Variants in PPM1A observed in about 807,000 individuals in gnomAD.
The protein encoded by PPM1A is protein phosphatase, Mg2+/Mn2+ dependent 1A.
Under a neutral mutation model 35.0 loss-of-function variants are expected in PPM1A, and 7 were observed. The observed-to-expected ratio is 0.20, with a 90% CI of 0.11 to 0.38. PPM1A has a LOEUF of 0.38. Among genes scored for constraint, PPM1A ranks in the 10% least tolerant of loss-of-function variants. The pLI, the probability that PPM1A is intolerant of heterozygous loss-of-function variation, is 1.00. For synonymous variants in PPM1A, 153 were observed against 167.3 expected, an observed-to-expected ratio of 0.91 and a Z score of 0.66; for missense variants, 239 against 467.8, an observed-to-expected ratio of 0.51 and a Z score of 4.51.
At position 60,273,667 on chromosome 14, in the gene PPM1A, A is replaced by G. The variant is rs749729981; in HGVS notation, c.-20-9017A>G. ...GGGATGCCAGGATCCACGTGAAGAG[A>G]CTAAAGACGCTAGTATTCTGCAGTG... On this transcript the variant is annotated intron_variant, in intron 1 of 5. Transcript: ENST00000395076. The surrounding 1 kb of genome is among the most constrained non-coding windows in gnomAD (Gnocchi z 4.3). Among the ~76,000 whole-genome samples the G allele has an allele frequency of 3.3e-5, 5 of 152,180 alleles. No individual in the cohort carries two copies. The highest frequency in any genetic ancestry group is 7.3e-5 in the Non-Finnish European group (5 of 68,030).
chr14:60,286,567 A>T (rs1054419249), intron 3 of PPM1A: 2 of 985,266 alleles, frequency 2.0e-6, no homozygotes, highest in African/African-American at 3.5e-5. Context: ...AATGCATTTT[A>T]GGCTCCTAAT....
intron 1 of PPM1A, among the ~76,000 whole-genome samples, chr14:60,275,541 C>T (rs1468706874): frequency 6.6e-6 from 1 of 152,074 alleles, no homozygotes; most frequent in Non-Finnish European, 1.5e-5. Context: ...GGCTGGAGTG[C>T]AGTGGCACCA....
chr14:60,246,094 C>T (rs776756009), upstream of PPM1A: 4 of 1,501,034 alleles, frequency 2.7e-6, no homozygotes, highest in South Asian at 1.4e-5. Context: ...GGTTGGCTTT[C>T]TAACTCTTGA....
upstream of PPM1A, among the ~76,000 whole-genome samples, chr14:60,247,113 T>C (rs1279467717): frequency 3.3e-5 from 5 of 152,212 alleles, no homozygotes; most frequent in Admixed American, 3.3e-4. Flanking sequence ...TAGTTCAGAA[T>C]GTTAATGAGT....
intron 3 of PPM1A, chr14:60,286,069 G>A (rs911429523): frequency 3.0e-6 from 3 of 1,005,358 alleles, no homozygotes; most frequent in Admixed American, 1.2e-4. Context: ...TCTGATTTGT[G>A]GTCTATTTAA....
At chr14:60,291,824 C>G (rs1452332768) in intron 5 of PPM1A, among the ~76,000 whole-genome samples, 2 of 148,934 alleles carry the variant, frequency 1.3e-5, no homozygotes, top group African/African-American at 2.5e-5. Flanking sequence ...GTTTTGTAAG[C>G]AGCTGCAGCA....
chr14:60,266,162 T>C (rs1884357190), intron 1 of PPM1A, among the ~76,000 whole-genome samples: 1 of 152,184 alleles, frequency 6.6e-6, no homozygotes, highest in African/African-American at 2.4e-5. Flanking sequence ...CATATATTTA[T>C]TACCCATTTA....
At chr14:60,248,181 C>G (rs1313913619), upstream of PPM1A, among the ~76,000 whole-genome samples, 2 of 152,154 alleles carry the variant, frequency 1.3e-5, no homozygotes, top group African/African-American at 4.8e-5. Flanking sequence ...CAGCGTGGGT[C>G]GGGTTTTCCA....
intron 1 of PPM1A, among the ~76,000 whole-genome samples, chr14:60,251,558 A>G (rs8011227): frequency 0.35 from 53,657 of 152,110 alleles, 10,186 homozygotes; most frequent in African/African-American, 0.5. Context: ...AAATCAGTAA[A>G]GCCAGTTGGG....
chr14:60,251,122 T>G (rs1004339623), intron 1 of PPM1A, among the ~76,000 whole-genome samples: 1 of 152,280 alleles, frequency 6.6e-6, no homozygotes, highest in Non-Finnish European at 1.5e-5. Flanking sequence ...TGTATCTGAT[T>G]AAACTTTCAG....
At chr14:60,252,066 A>G (rs749393653) in intron 1 of PPM1A, among the ~76,000 whole-genome samples, 9 of 152,206 alleles carry the variant, frequency 5.9e-5, no homozygotes, top group Non-Finnish European at 1.2e-4. Flanking sequence ...TCATGTGGTA[A>G]ATATTGCTGA....
At chr14:60,255,165 T>C (rs890521319) in intron 1 of PPM1A, among the ~76,000 whole-genome samples, 5 of 106,514 alleles carry the variant, frequency 4.7e-5, no homozygotes, top group African/African-American at 4.3e-4. Context: ...ATATGTTTTT[T>C]TTTTTTTTGT....
chr14:60,285,523 A>G (rs973363612), intron 2 of PPM1A, 101 bp from the exon 3 acceptor site: 19 of 1,256,782 alleles, frequency 1.5e-5, no homozygotes, highest in Admixed American at 2.3e-5. Flanking sequence ...TAACATTTTC[A>G]CTAGAACAAG....
chr14:60,280,173 T>C (rs1886236002), intron 1 of PPM1A, among the ~76,000 whole-genome samples: 1 of 152,090 alleles, frequency 6.6e-6, no homozygotes, highest in South Asian at 2.1e-4. Flanking sequence ...GCCTGGCTAA[T>C]TTTTGTATTT....
intron 1 of PPM1A, among the ~76,000 whole-genome samples, chr14:60,260,705 C>A (rs1883654846): frequency 6.6e-6 from 1 of 152,118 alleles, no homozygotes; most frequent in Non-Finnish European, 1.5e-5. Flanking sequence ...TCTCCCAGCC[C>A]TTATCAACCA....
rs557081139 is a variant in PPM1A, at chr14:60,290,049, T to G, written c.1061+135T>G. 9.2e-4 allele frequency: 531 copies of G among 574,630 alleles called. 6 individuals carry two copies. Among genetic ancestry groups the G allele is most frequent in the South Asian group, 8.2e-3 (299 of 36,508 alleles). 35.6% of individuals were successfully genotyped at this position (574,630 alleles called of 1,614,324 possible). On this transcript the variant is annotated intron_variant, in intron 4 of 5. Coordinates refer to ENST00000395076, the MANE Select transcript of PPM1A (RefSeq NM_021003.5). ...TGTTTTAACCTGTGATTTCAATTTT[T>G]TTTTAGTATTAGAATATCTAGAGTT...
intron 1 of PPM1A, among the ~76,000 whole-genome samples, chr14:60,280,104 C>G (rs1886224116): frequency 6.6e-6 from 1 of 152,146 alleles, no homozygotes; most frequent in Non-Finnish European, 1.5e-5. Context: ...CCTCCAGGTT[C>G]AAGCCATTCT....
intron 1 of PPM1A, among the ~76,000 whole-genome samples, chr14:60,269,361 ATCATGTCTTCT>A (rs769752065): frequency 7.7e-4 from 117 of 152,270 alleles, no homozygotes; most frequent in Non-Finnish European, 1.4e-3. Context: ...GGCATATTTG[ATCATGTCTTCT>A]TCATGTCTTC....
In PPM1A at chr14:60,283,067, G is replaced by T; in HGVS notation, c.364G>T (p.Ala122Ser). 6.2e-7 allele frequency: 1 copy of T among 1,614,258 alleles called. No individual in the cohort carries two copies. Among genetic ancestry groups the T allele is most frequent in the Non-Finnish European group, 8.5e-7 (1 of 1,180,046 alleles). The change falls in exon 2 of 6, where the codon GCA (alanine) becomes TCA (serine). Residue 122 changes from alanine (A) to serine (S), a missense_variant. Around this residue, in one of 2 missense-constraint regions of PPM1A, gnomAD observed 175 missense variants for 389.2 expected, o/e 0.45. Coordinates refer to ENST00000395076, the MANE Select transcript of PPM1A (RefSeq NM_021003.5). The surrounding 1 kb of genome is among the most constrained non-coding windows in gnomAD (Gnocchi z 6.3). ...MRVMSEKKHG[A>S]DRSGSTAVGV... ...AGTTATGTCAGAGAAGAAACATGGT[G>T]CAGATAGAAGTGGGTCAACAGCTGT...
Sources: allele counts gnomAD v4.1 joint callset (sites outside exome capture counted in the v4.1 genomes callset), GRCh38; gene constraint gnomAD v4.1.1; regional missense constraint gnomAD v4.1.1; non-coding constraint Gnocchi (gnomAD v3.1); transcripts MANE v1.5; gene names NCBI Gene and HGNC (gene_info 2026-07-23, HGNC 2026-07-21).